The following AFAP1 variants were observed in gnomAD, a reference collection of about 807,000 sequenced individuals.
The protein encoded by AFAP1 is actin filament associated protein 1.
Under a neutral mutation model 93.9 loss-of-function variants are expected in AFAP1, and 75 were observed. That is an observed-to-expected ratio of 0.80 (90% confidence interval 0.66 to 0.97). The LOEUF is 0.97. Among genes scored for constraint, AFAP1 ranks in the 50% least tolerant of loss-of-function variants. The pLI, the probability that AFAP1 is intolerant of heterozygous loss-of-function variation, is 0.00. For synonymous variants in AFAP1, 517 were observed against 430.7 expected (o/e 1.20, Z -2.48); for missense variants, 1,201 against 1,050.8 (o/e 1.14, Z -1.98).
chr4:7,939,304 A>C lies in AFAP1; in HGVS notation c.-3+352T>G. 3.3e-6 allele frequency: 1 copy of C among 305,634 alleles called. No homozygotes were observed. The highest frequency in any genetic ancestry group is 6.5e-6 in the Non-Finnish European group (1 of 153,510). The allele number at this position is 305,634 out of a possible 1,614,324, so 18.9% of individuals were successfully genotyped here. A position where few individuals can be genotyped will look rare whatever the true frequency, so the allele number is the denominator to read the frequency against. ...GAGCCTCCCACTCTTGGTGACCCGG[A>C]CCCCGCCCCACGAGTGGGTCTTCGC... On this transcript the variant is annotated intron_variant, in intron 1 of 17. Transcript: ENST00000420658. The surrounding 1 kb of genome is among the most constrained non-coding windows in gnomAD (Gnocchi z 5.6).
intron 8 of AFAP1, among the ~76,000 whole-genome samples, chr4:7,813,278 A>G (rs1303857350): frequency 6.6e-6 from 1 of 152,254 alleles, no homozygotes; most frequent in Admixed American, 6.5e-5. Flanking sequence ...GATAAAAGCT[A>G]AGAGAGAAGG....
At chr4:7,814,746 G>GGGTAGA (rs1346183495) in intron 8 of AFAP1, among the ~76,000 whole-genome samples, 1 of 152,226 alleles carries the variant, frequency 6.6e-6, no homozygotes, top group Non-Finnish European at 1.5e-5. Flanking sequence ...CCAGGGCCTC[G>GGGTAGA]GGTAGAGGCA....
intron 10 of AFAP1, chr4:7,798,773 C>A: frequency 1.9e-6 from 1 of 523,646 alleles, no homozygotes; most frequent in South Asian, 7.0e-5. Context: ...CTACTGTGCC[C>A]CCAGCAATGG....
chr4:7,871,191 T>C (rs965097412), intron 2 of AFAP1, among the ~76,000 whole-genome samples: 39 of 151,866 alleles, frequency 2.6e-4, no homozygotes, highest in African/African-American at 9.2e-4. Context: ...CATCAAAGAG[T>C]TAATGTAGCA....
intron 6 of AFAP1, among the ~76,000 whole-genome samples, chr4:7,828,256 C>A (rs976812152): frequency 1.3e-5 from 2 of 152,156 alleles, no homozygotes; most frequent in African/African-American, 2.4e-5. Flanking sequence ...CGCCCCCACG[C>A]CCCCCGGCTG....
intron 16 of AFAP1, among the ~76,000 whole-genome samples, chr4:7,771,364 A>C (rs1715409636): frequency 6.6e-6 from 1 of 152,154 alleles, no homozygotes; most frequent in Admixed American, 6.5e-5. Flanking sequence ...ACACACACAC[A>C]CCTTTACATA....
At chr4:7,768,433 G>T (rs1271452550) in intron 17 of AFAP1, among the ~76,000 whole-genome samples, 1 of 152,176 alleles carries the variant, frequency 6.6e-6, no homozygotes, top group South Asian at 2.1e-4. Flanking sequence ...GGGGCTGGGG[G>T]AAAGCTTATT....
rs114088775 is a variant in AFAP1, at chr4:7,875,172, T to C, written c.-2-3092A>G. Reference sequence around the variant, plus strand: ...AGCCTAAGCAAAAAAGTTTGAGAGCTGCTCGTCTGTGGGATTCTTCCAAAT... The same window carrying C: ...AGCCTAAGCAAAAAAGTTTGAGAGCCGCTCGTCTGTGGGATTCTTCCAAAT... On this transcript the variant is annotated intron_variant, in intron 1 of 17. Transcript: ENST00000420658. Among the ~76,000 whole-genome samples the C allele has an allele frequency of 5.9e-3, 903 of 152,366 alleles. 7 individuals are homozygous for C. Among genetic ancestry groups the C allele is most frequent in the African/African-American group, 0.019 (790 of 41,594 alleles).
intron 9 of AFAP1, among the ~76,000 whole-genome samples, chr4:7,805,585 T>A (rs1719433316): frequency 6.6e-6 from 1 of 152,236 alleles, no homozygotes; most frequent in Non-Finnish European, 1.5e-5. Flanking sequence ...TTATCCTCAG[T>A]TTTTATGAAA....
At chr4:7,779,059 TG>T in intron 13 of AFAP1, 183 bp from the exon 14 acceptor site, 1 of 588,068 alleles carries the variant, frequency 1.7e-6, no homozygotes, top group Non-Finnish European at 3.0e-6. Flanking sequence ...GCTGGGATTC[TG>T]GGGAATGGCT....
intron 3 of AFAP1, among the ~76,000 whole-genome samples, chr4:7,857,646 T>C (rs1346876875): frequency 6.6e-6 from 1 of 152,194 alleles, no homozygotes; most frequent in African/African-American, 2.4e-5. Flanking sequence ...CACATCCAAG[T>C]TAAAATCTCT....
At chr4:7,906,812 G>C (rs549954776) in intron 1 of AFAP1, among the ~76,000 whole-genome samples, 1 of 152,292 alleles carries the variant, frequency 6.6e-6, no homozygotes, top group Non-Finnish European at 1.5e-5. Context: ...CCTGAGGTCG[G>C]AAGTTCAAGA....
At chr4:7,833,482 C>CA (rs1711877515) in intron 6 of AFAP1, among the ~76,000 whole-genome samples, 2 of 151,720 alleles carry the variant, frequency 1.3e-5, no homozygotes, top group Admixed American at 1.3e-4. Context: ...CGACCAGAAT[C>CA]AAAAAATAGT....
intron 12 of AFAP1, 133 bp from the exon 13 acceptor site, chr4:7,781,760 C>G (rs1318481168): frequency 1.7e-6 from 2 of 1,209,268 alleles, no homozygotes; most frequent in Non-Finnish European, 2.3e-6. Flanking sequence ...TGCACACAGA[C>G]TGCAGTTGTT....
intron 10 of AFAP1, among the ~76,000 whole-genome samples, chr4:7,796,763 CAA>C (rs35572939): frequency 1.2e-5 from 1 of 84,002 alleles, no homozygotes; most frequent in African/African-American, 5.0e-5. Flanking sequence ...AAAAAAAAAA[CAA>C]AAAAAAACTA....
chr4:7,831,762 G>T (rs575798558), intron 6 of AFAP1, among the ~76,000 whole-genome samples: 1 of 152,206 alleles, frequency 6.6e-6, no homozygotes, highest in Non-Finnish European at 1.5e-5. Flanking sequence ...CACTGAGGAA[G>T]AGCTAAGCAC....
At chr4:7,835,119 C>T (rs78230018) in intron 6 of AFAP1, among the ~76,000 whole-genome samples, 4 of 50,256 alleles carry the variant, frequency 8.0e-5, no homozygotes, top group African/African-American at 2.9e-4. Context: ...GAATGGACTG[C>T]GGGCGGCCTT....
chr4:7,919,602 T>A (rs1720321387), intron 1 of AFAP1, among the ~76,000 whole-genome samples: 1 of 152,210 alleles, frequency 6.6e-6, no homozygotes, highest in South Asian at 2.1e-4. Flanking sequence ...TTTCACTGAA[T>A]GAAACCTGCG....
At chr4:7,811,285 GT>G (rs1311011211) in intron 8 of AFAP1, among the ~76,000 whole-genome samples, 1 of 152,238 alleles carries the variant, frequency 6.6e-6, no homozygotes, top group Non-Finnish European at 1.5e-5. Flanking sequence ...ACTTCAGAAG[GT>G]GATGAGAGTC....
Sources: allele counts gnomAD v4.1 joint callset (sites outside exome capture counted in the v4.1 genomes callset), GRCh38; gene constraint gnomAD v4.1.1; non-coding constraint Gnocchi (gnomAD v3.1); transcripts MANE v1.5; gene names NCBI Gene and HGNC (gene_info 2026-07-23, HGNC 2026-07-21).